Variants in PCDH15 observed in about 807,000 individuals in gnomAD.
PCDH15 encodes the protein protocadherin-15.
PCDH15 carries 129 observed loss-of-function variants against 178.5 expected under a neutral mutation model. The observed-to-expected ratio is 0.72, with a 90% CI of 0.63 to 0.84. The LOEUF (loss-of-function observed/expected upper bound fraction) is 0.84. Among genes scored for constraint, PCDH15 ranks in the 40% least tolerant of loss-of-function variants. The pLI is 0.00. For missense variants in PCDH15, 2,230 were observed against 2,099.9 expected (o/e 1.06, Z -1.21); for synonymous variants, 800 against 732.0 (o/e 1.09, Z -1.50).
At chr10:55,465,568 C>T (rs1378425692) in intron 2 of PCDH15, among the ~76,000 whole-genome samples, 1 of 152,184 alleles carries the variant, frequency 6.6e-6, no homozygotes. Context: ...GAGATAAAAA[C>T]CACTTTTATG....
At chr10:54,203,675 T>C (rs2134002130) in intron 10 of PCDH15, among the ~76,000 whole-genome samples, 1 of 152,296 alleles carries the variant, frequency 6.6e-6, no homozygotes, top group Non-Finnish European at 1.5e-5. Context: ...CTTCCTGTGT[T>C]CCCTTCCTGG....
intron 1 of PCDH15, among the ~76,000 whole-genome samples, chr10:54,668,208 G>A (rs1211439370): frequency 6.6e-6 from 1 of 151,782 alleles, no homozygotes; most frequent in African/African-American, 2.4e-5. Context: ...GAACAAAGCT[G>A]ACACATTTCT....
rs548550837 is a variant in PCDH15 at position 54,240,139 on chromosome 10, A to G, written c.877-3208T>C. ...CACAACCTCCACAGTAGATGAAACC[A>G]GGCCTGGAAAGGGTATTCATATAAG... On this transcript the variant is annotated intron_variant, in intron 8 of 37. Coordinates refer to ENST00000644397, the MANE Select transcript of PCDH15 (RefSeq NM_001384140.1). Among the ~76,000 whole-genome samples, 70 of 152,242 alleles carry G rather than the reference A, an allele frequency of 4.6e-4. 2 individuals are homozygous for G. The highest frequency in any genetic ancestry group is 4.5e-3 in the Admixed American group (69 of 15,298).
intron 10 of PCDH15, among the ~76,000 whole-genome samples, chr10:54,205,182 G>C (rs1319629536): frequency 6.6e-6 from 1 of 151,936 alleles, no homozygotes; most frequent in Non-Finnish European, 1.5e-5. Context: ...TAGTCGTTTG[G>C]GATCAGTTGG....
chr10:54,568,625 C>T (rs922764346), intron 2 of PCDH15: 2 of 152,058 alleles, frequency 1.3e-5, no homozygotes, highest in East Asian at 1.9e-4. Flanking sequence ...AGCACATATA[C>T]TTCTCTTCCC....
chr10:54,168,972 G>A (rs1194515599), intron 13 of PCDH15, among the ~76,000 whole-genome samples: 3 of 152,084 alleles, frequency 2.0e-5, no homozygotes, highest in South Asian at 2.1e-4. Context: ...ACTTCCAAAT[G>A]CCTGAACCGC....
At chr10:54,720,856 AAACTT>A (rs1444257829) in intron 1 of PCDH15, among the ~76,000 whole-genome samples, 2 of 152,052 alleles carry the variant, frequency 1.3e-5, no homozygotes, top group African/African-American at 4.8e-5. Context: ...ATCAGCAAAG[AAACTT>A]AACTTAAACT....
chr10:54,847,264 C>T (rs1953533287), intron 3 of PCDH15, among the ~76,000 whole-genome samples: 1 of 152,104 alleles, frequency 6.6e-6, no homozygotes, highest in Non-Finnish European at 1.5e-5. Flanking sequence ...ACCCAAACTT[C>T]ACATGTTTTA....
At chr10:54,043,976 T>C (rs565750552) in intron 18 of PCDH15, among the ~76,000 whole-genome samples, 1 of 152,264 alleles carries the variant, frequency 6.6e-6, no homozygotes, top group South Asian at 2.1e-4. Flanking sequence ...GCATTGCTTT[T>C]GCACCAATAA....
At chr10:55,380,036 G>T (rs1317942029) in intron 2 of PCDH15, among the ~76,000 whole-genome samples, 1 of 152,110 alleles carries the variant, frequency 6.6e-6, no homozygotes, top group Non-Finnish European at 1.5e-5. Flanking sequence ...AAAAAAATAA[G>T]TTAGAGACAG....
At chr10:55,106,029 G>GTT (rs77907207) in intron 2 of PCDH15, among the ~76,000 whole-genome samples, 1 of 144,092 alleles carries the variant, frequency 6.9e-6, no homozygotes, top group Admixed American at 7.0e-5. Context: ...TGTATTATAA[G>GTT]TTTTTTTTTT....
intron 2 of PCDH15, among the ~76,000 whole-genome samples, chr10:54,582,820 G>A (rs946254218): frequency 1.3e-5 from 2 of 152,076 alleles, no homozygotes; most frequent in African/African-American, 4.8e-5. Flanking sequence ...GAGCCCAGAA[G>A]TTCAAGGTTA....
At chr10:55,298,820 T>G (rs1033725575) in intron 1 of PCDH15, among the ~76,000 whole-genome samples, 1 of 152,094 alleles carries the variant, frequency 6.6e-6, no homozygotes, top group African/African-American at 2.4e-5. Context: ...TCAGGTGATC[T>G]GCCCACCTTG....
intron 23 of PCDH15, among the ~76,000 whole-genome samples, chr10:53,949,805 C>A (rs2086869743): frequency 6.6e-6 from 1 of 152,134 alleles, no homozygotes; most frequent in South Asian, 2.1e-4. Context: ...GTTAACTAGA[C>A]CTGCTCACTT....
intron 2 of PCDH15, among the ~76,000 whole-genome samples, chr10:55,068,584 T>G (rs1841627915): frequency 6.6e-6 from 1 of 152,174 alleles, no homozygotes; most frequent in African/African-American, 2.4e-5. Context: ...CTGGATATTT[T>G]TTTGTTTCAA....
chr10:54,589,536 T>G (rs1279140616), intron 2 of PCDH15, among the ~76,000 whole-genome samples: 2 of 152,238 alleles, frequency 1.3e-5, no homozygotes, highest in Non-Finnish European at 2.9e-5. Flanking sequence ...TTTGTTAATT[T>G]TATTGTTTAT....
chr10:54,112,584 C>T (rs909226657), intron 15 of PCDH15, among the ~76,000 whole-genome samples: 1 of 152,144 alleles, frequency 6.6e-6, no homozygotes, highest in Non-Finnish European at 1.5e-5. Context: ...ACTTGTTACT[C>T]ATCTCAAAAC....
chr10:54,319,073 T>C (rs2061439548), intron 7 of PCDH15, among the ~76,000 whole-genome samples: 1 of 152,148 alleles, frequency 6.6e-6, no homozygotes, highest in South Asian at 2.1e-4. Flanking sequence ...ATGAAGAACA[T>C]CCATTGTCAA....
At chr10:54,170,766 C>G (rs528909688) in intron 13 of PCDH15, among the ~76,000 whole-genome samples, 8 of 152,022 alleles carry the variant, frequency 5.3e-5, no homozygotes, top group Middle Eastern at 3.4e-3. Context: ...AGGCCTAATC[C>G]CCACACACCA....
Sources: allele counts gnomAD v4.1 joint callset (sites outside exome capture counted in the v4.1 genomes callset), GRCh38; gene constraint gnomAD v4.1.1; transcripts MANE v1.5; gene names NCBI Gene and HGNC (gene_info 2026-07-23, HGNC 2026-07-21).